ACYP2: variants seen among roughly 807,000 people sequenced by gnomAD.
The protein encoded by ACYP2 is acylphosphatase 2, also known as acylphosphatase-2.
ACYP2 carries 12 observed loss-of-function variants against 11.2 expected under a neutral mutation model. The observed-to-expected ratio is 1.08, with a 90% confidence interval of 0.69 to 1.74. ACYP2 has a LOEUF of 1.74. ACYP2 is among the 40% of genes most tolerant of loss of function. ACYP2 has a pLI of 0.00. For missense variants in ACYP2, 134 were observed against 101.9 expected (o/e 1.31, Z -1.35); for synonymous variants, 43 against 32.2 (o/e 1.33, Z -1.13).
chr2:54,279,441 G>C (rs1459947233), intron 6 of ACYP2, among the ~76,000 whole-genome samples: 1 of 152,126 alleles, frequency 6.6e-6, no homozygotes, highest in Non-Finnish European at 1.5e-5. Context: ...TATTGAAAAA[G>C]TTTGCCAACT....
chr2:54,198,320 T>G (rs1684602992), intron 6 of ACYP2, among the ~76,000 whole-genome samples: 1 of 152,096 alleles, frequency 6.6e-6, no homozygotes, highest in Non-Finnish European at 1.5e-5. Flanking sequence ...CCTGGGCAAC[T>G]TATGATTTTA....
At chr2:54,012,490 T>C (rs1673427501) in intron 2 of ACYP2, among the ~76,000 whole-genome samples, 1 of 152,226 alleles carries the variant, frequency 6.6e-6, no homozygotes, top group African/African-American at 2.4e-5. Flanking sequence ...CACTCTAGCC[T>C]AGGCATGAGC....
At chr2:54,303,186 C>A (rs1689793282) in intron 6 of ACYP2, among the ~76,000 whole-genome samples, 1 of 152,036 alleles carries the variant, frequency 6.6e-6, no homozygotes, top group South Asian at 2.1e-4. Flanking sequence ...CTTGTCTCTA[C>A]TAAAATTCAA....
At chr2:54,065,082 T>TATAA (rs1676671776) in intron 4 of ACYP2, among the ~76,000 whole-genome samples, 2 of 123,956 alleles carry the variant, frequency 1.6e-5, no homozygotes, top group Admixed American at 1.8e-4. Flanking sequence ...AGACTCCATC[T>TATAA]CTAAATAAAT....
In ACYP2 at chr2:54,287,793, G is replaced by A. The variant is rs147338556; in HGVS notation, c.405-16895G>A. On this transcript the variant is annotated intron_variant, in intron 6 of 6. Transcript: ENST00000607452. ...AGTCCTCAGCCTCAGAGCTGCTCTT[G>A]GCAAGTACTGCAAAGATGAGGTTTC... Among the ~76,000 whole-genome samples, 425 of 152,084 alleles carry A rather than the reference G, an allele frequency of 2.8e-3. 14 individuals are homozygous for A. Among genetic ancestry groups the A allele is most frequent in the African/African-American group, 9.9e-3 (410 of 41,358 alleles).
chr2:54,204,835 C>G (rs903972820), intron 6 of ACYP2, among the ~76,000 whole-genome samples: 5 of 152,166 alleles, frequency 3.3e-5, no homozygotes, highest in African/African-American at 1.2e-4. Flanking sequence ...TATATTTTCA[C>G]CACTGATTGA....
At chr2:54,281,060 G>A (rs889687309) in intron 6 of ACYP2, among the ~76,000 whole-genome samples, 1 of 152,208 alleles carries the variant, frequency 6.6e-6, no homozygotes, top group African/African-American at 2.4e-5. Flanking sequence ...AGCTTCCTCA[G>A]AGAGAAGTTG....
intron 4 of ACYP2, among the ~76,000 whole-genome samples, chr2:54,106,563 A>G (rs1046145525): frequency 2.5e-4 from 38 of 151,992 alleles, no homozygotes; most frequent in Admixed American, 6.5e-4. Flanking sequence ...GTCTCATATA[A>G]TAAGAGTTCA....
At chr2:54,127,750 C>CAA (rs3068999) in intron 4 of ACYP2, among the ~76,000 whole-genome samples, 13 of 90,448 alleles carry the variant, frequency 1.4e-4, no homozygotes, top group Non-Finnish European at 2.0e-4. Flanking sequence ...GAGACTGTCT[C>CAA]AAAAAAAAAA....
At chr2:54,122,436 G>C (rs953050866) in intron 4 of ACYP2, among the ~76,000 whole-genome samples, 1 of 152,140 alleles carries the variant, frequency 6.6e-6, no homozygotes, top group Admixed American at 6.5e-5. Flanking sequence ...GTCTGCCCCA[G>C]TTTCCAGAGC....
intron 6 of ACYP2, among the ~76,000 whole-genome samples, chr2:54,251,548 C>T (rs1381963656): frequency 6.6e-6 from 1 of 151,672 alleles, no homozygotes; most frequent in Non-Finnish European, 1.5e-5. Flanking sequence ...CAGAATCTAC[C>T]ATCTCTTACT....
chr2:54,225,097 A>G (rs1685957309), intron 6 of ACYP2, among the ~76,000 whole-genome samples: 1 of 152,218 alleles, frequency 6.6e-6, no homozygotes, highest in African/African-American at 2.4e-5. Flanking sequence ...GCCAGTTCCA[A>G]CCATTTCAGG....
chr2:54,244,860 T>G (rs1162770144), intron 6 of ACYP2, among the ~76,000 whole-genome samples: 1 of 152,214 alleles, frequency 6.6e-6, no homozygotes, highest in Non-Finnish European at 1.5e-5. Context: ...ATATCCATAA[T>G]CTCAAACATT....
chr2:54,206,608 G>C (rs1685077558), intron 6 of ACYP2, among the ~76,000 whole-genome samples: 1 of 152,126 alleles, frequency 6.6e-6, no homozygotes, highest in South Asian at 2.1e-4. Flanking sequence ...TTTATGCCAG[G>C]TGCCTATTAG....
chr2:54,276,241 AT>A (rs11305602), intron 6 of ACYP2, among the ~76,000 whole-genome samples: 34,413 of 151,976 alleles, frequency 0.23, 4,292 homozygotes, highest in African/African-American at 0.3. Flanking sequence ...CCCTCTGGCC[AT>A]TGTCCCAATA....
intron 2 of ACYP2, among the ~76,000 whole-genome samples, chr2:53,999,938 A>G (rs1573484272): frequency 6.6e-6 from 1 of 152,284 alleles, no homozygotes; most frequent in Non-Finnish European, 1.5e-5. Flanking sequence ...TTTAAACTTC[A>G]AAGAAATTAA....
intron 2 of ACYP2, among the ~76,000 whole-genome samples, chr2:53,987,140 G>C (rs985370404): frequency 2.0e-5 from 3 of 152,152 alleles, no homozygotes; most frequent in African/African-American, 4.8e-5. Flanking sequence ...AAACTAATTT[G>C]TGATATGAGA....
chr2:54,098,940 C>T (rs1480722060), intron 4 of ACYP2, among the ~76,000 whole-genome samples: 1 of 152,030 alleles, frequency 6.6e-6, no homozygotes, highest in African/African-American at 2.4e-5. Flanking sequence ...GTTGCCCAGG[C>T]TTGGTCTCAA....
At chr2:53,995,790 G>T (rs565381440) in intron 2 of ACYP2, among the ~76,000 whole-genome samples, 15 of 152,154 alleles carry the variant, frequency 9.9e-5, no homozygotes, top group African/African-American at 3.4e-4. Flanking sequence ...AAATTTTGTA[G>T]GGTGTAACTT....
Sources: allele counts gnomAD v4.1 joint callset (sites outside exome capture counted in the v4.1 genomes callset), GRCh38; gene constraint gnomAD v4.1.1; transcripts MANE v1.5; gene names NCBI Gene and HGNC (gene_info 2026-07-23, HGNC 2026-07-21).